Variants in PRKD1 observed in about 807,000 individuals in gnomAD.
The protein encoded by PRKD1 is protein kinase D1.
PRKD1 carries 63 observed loss-of-function variants against 95.9 expected under a neutral mutation model. The ratio of observed to expected loss-of-function variants is 0.66; its 90% confidence interval spans 0.54 to 0.81. PRKD1 has a LOEUF of 0.81. Ranked by LOEUF, PRKD1 falls within the 30% of genes least tolerant of loss-of-function variation. The pLI is 0.00. For missense variants in PRKD1, 1,048 were observed against 1,165.3 expected, an observed-to-expected ratio of 0.90 and a Z score of 1.47; for synonymous variants, 425 against 423.1, an observed-to-expected ratio of 1.00 and a Z score of -0.05.
intron 1 of PRKD1, among the ~76,000 whole-genome samples, chr14:29,759,813 ACT>A (rs925101476): frequency 5.9e-5 from 9 of 151,778 alleles, no homozygotes; most frequent in African/African-American, 2.2e-4. Context: ...TCAAATGAAA[ACT>A]CTCAAGAGAG....
chr14:29,649,003 T>C (rs1295106306), intron 4 of PRKD1, among the ~76,000 whole-genome samples: 2 of 152,142 alleles, frequency 1.3e-5, no homozygotes, highest in Non-Finnish European at 2.9e-5. Flanking sequence ...ATTTTTTTTA[T>C]ATTGATTGCT....
chr14:29,758,500 G>T (rs1887819096), intron 1 of PRKD1, among the ~76,000 whole-genome samples: 1 of 152,188 alleles, frequency 6.6e-6, no homozygotes, highest in African/African-American at 2.4e-5. Context: ...AGAAAGGATA[G>T]AGCAGGGCAT....
At chr14:29,743,622 T>A (rs1887082279) in intron 1 of PRKD1, among the ~76,000 whole-genome samples, 1 of 152,184 alleles carries the variant, frequency 6.6e-6, no homozygotes, top group South Asian at 2.1e-4. Flanking sequence ...TCAAGATATA[T>A]TGCACTTCAG....
chr14:29,612,033 T>A (rs1878504400), intron 13 of PRKD1, among the ~76,000 whole-genome samples: 3 of 152,110 alleles, frequency 2.0e-5, no homozygotes, highest in Admixed American at 2.0e-4. Flanking sequence ...AGCATAACAT[T>A]CCATGATATG....
At chr14:29,925,382 T>G (rs1895260963) in intron 1 of PRKD1, among the ~76,000 whole-genome samples, 1 of 152,232 alleles carries the variant, frequency 6.6e-6, no homozygotes, top group South Asian at 2.1e-4. Flanking sequence ...AAAAGATTAC[T>G]GAGGCTTCTA....
chr14:29,593,770 T>G (rs1428769962), intron 16 of PRKD1, among the ~76,000 whole-genome samples: 7 of 152,216 alleles, frequency 4.6e-5, no homozygotes, highest in Admixed American at 1.3e-4. Context: ...CTTATTTGCC[T>G]AAGTTACAGA....
intron 1 of PRKD1, among the ~76,000 whole-genome samples, chr14:29,910,100 A>G (rs1894650994): frequency 6.6e-6 from 1 of 152,084 alleles, no homozygotes; most frequent in Non-Finnish European, 1.5e-5. Context: ...ACTCTTTGCA[A>G]TAAATCTTGT....
intron 15 of PRKD1, among the ~76,000 whole-genome samples, 173 bp from the exon 16 acceptor site, chr14:29,597,931 G>C (rs933230432): frequency 2.1e-4 from 32 of 152,104 alleles, no homozygotes; most frequent in Admixed American, 2.0e-3. Flanking sequence ...GAAGACAGTG[G>C]TTTATGTAGT....
intron 1 of PRKD1, among the ~76,000 whole-genome samples, chr14:29,768,764 C>T (rs926761813): frequency 1.3e-5 from 2 of 151,318 alleles, no homozygotes; most frequent in African/African-American, 4.9e-5. Flanking sequence ...TTCTCTTTGT[C>T]ATCTACAAAC....
intron 1 of PRKD1, among the ~76,000 whole-genome samples, chr14:29,926,165 A>G (rs1184504068): frequency 2.0e-5 from 3 of 152,184 alleles, no homozygotes; most frequent in Non-Finnish European, 4.4e-5. Flanking sequence ...GCAATTCACA[A>G]CCCTTAAGAT....
chr14:29,857,731 G>A (rs975894971), intron 1 of PRKD1, among the ~76,000 whole-genome samples: 12 of 152,286 alleles, frequency 7.9e-5, no homozygotes, highest in Non-Finnish European at 1.5e-4. Context: ...AGCAGGCTGC[G>A]GGGAGGAGAA....
chr14:29,623,576 T>C (rs1879418380), intron 13 of PRKD1, among the ~76,000 whole-genome samples: 1 of 152,178 alleles, frequency 6.6e-6, no homozygotes, highest in Admixed American at 6.5e-5. Context: ...GCAAAAAAAT[T>C]TTAATGGTTT....
intron 1 of PRKD1, among the ~76,000 whole-genome samples, chr14:29,750,057 C>T (rs924743719): frequency 4.6e-5 from 7 of 152,188 alleles, no homozygotes; most frequent in Admixed American, 4.6e-4. Flanking sequence ...ACAAGGGTCA[C>T]TGCAACACAA....
At chr14:29,653,558 T>A (rs763776559) in intron 4 of PRKD1, among the ~76,000 whole-genome samples, 5 of 152,290 alleles carry the variant, frequency 3.3e-5, no homozygotes, top group South Asian at 2.1e-4. Context: ...ATTTTCCACC[T>A]TGACTTCAGT....
chr14:29,656,619 A>G, intron 4 of PRKD1: 4 of 1,186,416 alleles, frequency 3.4e-6, no homozygotes, highest in Non-Finnish European at 4.8e-6. Context: ...TGTTTCATAT[A>G]GGCATGCTTT....
intron 16 of PRKD1, among the ~76,000 whole-genome samples, chr14:29,583,632 T>A (rs925971147): frequency 3.3e-5 from 5 of 152,150 alleles, no homozygotes; most frequent in Admixed American, 1.3e-4. Context: ...TTTAATACCT[T>A]GTCTTAAATC....
intron 1 of PRKD1, among the ~76,000 whole-genome samples, chr14:29,744,901 A>T (rs1045475315): frequency 1.3e-5 from 2 of 152,098 alleles, no homozygotes; most frequent in Admixed American, 1.3e-4. Context: ...GCTTCCCTTC[A>T]CACATAGAAT....
intron 1 of PRKD1, among the ~76,000 whole-genome samples, chr14:29,757,530 T>C (rs1356970209): frequency 6.6e-6 from 1 of 152,082 alleles, no homozygotes; most frequent in Admixed American, 6.6e-5. Flanking sequence ...ATAAATCATA[T>C]TGCAGGAAAA....
chr14:29,697,764 A>C (rs1317705516), intron 2 of PRKD1, among the ~76,000 whole-genome samples: 1 of 152,168 alleles, frequency 6.6e-6, no homozygotes, highest in Admixed American at 6.5e-5. Context: ...TGTATTTTTA[A>C]CTTTAACAAA....
Sources: allele counts gnomAD v4.1 joint callset (sites outside exome capture counted in the v4.1 genomes callset), GRCh38; gene constraint gnomAD v4.1.1; transcripts MANE v1.5; gene names NCBI Gene and HGNC (gene_info 2026-07-23, HGNC 2026-07-21).